NAALADL2: variants seen among roughly 807,000 people sequenced by gnomAD.
The protein encoded by NAALADL2 is inactive N-acetylated-alpha-linked acidic dipeptidase-like protein 2.
NAALADL2 carries 76 observed loss-of-function variants against 87.2 expected under a neutral mutation model. The ratio of observed to expected loss-of-function variants is 0.87; its 90% CI spans 0.72 to 1.05. NAALADL2 has a LOEUF of 1.05. Ranked by LOEUF, NAALADL2 falls within the 50% of genes least tolerant of loss-of-function variation. The pLI is 0.00. For synonymous variants in NAALADL2, 354 were observed against 331.0 expected (o/e 1.07, Z -0.75); for missense variants, 1,089 against 945.8 (o/e 1.15, Z -1.99).
chr3:175,618,070 G>A lies in NAALADL2; in HGVS notation c.1801-9221G>A, dbSNP rs1725592467. Among the ~76,000 whole-genome samples, 3 of 152,152 alleles carry A rather than the reference G, an allele frequency of 2.0e-5. No individual in the cohort carries two copies. In the South Asian group the frequency reaches 6.2e-4, roughly 32 times the overall value. On this transcript the variant is annotated intron_variant, in intron 10 of 13. Coordinates refer to ENST00000454872, the MANE Select transcript of NAALADL2 (RefSeq NM_207015.3). ...TCCCCAAACTTCTCTGCTGCTTGCAGGGCAACCTCCTTCTCAGCAGTAGTC... is the reference window on the plus strand; with the variant it reads ...TCCCCAAACTTCTCTGCTGCTTGCAAGGCAACCTCCTTCTCAGCAGTAGTC...
At chr3:175,039,768 A>G (rs1396324240) in intron 1 of NAALADL2, among the ~76,000 whole-genome samples, 1 of 152,176 alleles carries the variant, frequency 6.6e-6, no homozygotes, top group Non-Finnish European at 1.5e-5. Context: ...AGTTTAGTAT[A>G]CAGTAGGAAA....
intron 11 of NAALADL2, among the ~76,000 whole-genome samples, chr3:175,700,198 T>A (rs1157581049): frequency 6.6e-6 from 1 of 152,148 alleles, no homozygotes; most frequent in Non-Finnish European, 1.5e-5. Context: ...CTTAGCTGTG[T>A]GTAAAAGTAA....
At chr3:175,605,644 T>TTTTCTTTTTG in intron 10 of NAALADL2, among the ~76,000 whole-genome samples, 1 of 133,036 alleles carries the variant, frequency 7.5e-6, no homozygotes, top group East Asian at 2.3e-4. Flanking sequence ...TTGCTTGTTT[T>TTTTCTTTTTG]TTTTTTTTTT....
At chr3:174,962,645 G>T (rs1042872852) in intron 1 of NAALADL2, among the ~76,000 whole-genome samples, 1 of 151,874 alleles carries the variant, frequency 6.6e-6, no homozygotes, top group Non-Finnish European at 1.5e-5. Flanking sequence ...TCTTACCTCA[G>T]AGAGATAACT....
chr3:175,171,294 G>A (rs1466440366), intron 2 of NAALADL2, among the ~76,000 whole-genome samples: 1 of 152,148 alleles, frequency 6.6e-6, no homozygotes, highest in East Asian at 1.9e-4. Flanking sequence ...AGGGTAGAGA[G>A]GAAAGTAAGC....
chr3:175,687,137 A>C (rs1317392218), intron 11 of NAALADL2, among the ~76,000 whole-genome samples: 1 of 152,146 alleles, frequency 6.6e-6, no homozygotes, highest in Non-Finnish European at 1.5e-5. Context: ...TGGTGTCTTA[A>C]ATGGCAAATT....
rs188565470 is a variant in NAALADL2, at chr3:175,536,793, G to A, written c.1654-39248G>A. 4.0e-4 allele frequency among the ~76,000 whole-genome samples: 61 copies of A among 152,204 alleles called. No homozygotes were observed. The Middle Eastern group carries it at 0.01, about 25-fold the overall frequency. On this transcript the variant is annotated intron_variant, in intron 9 of 13. Coordinates refer to ENST00000454872, the MANE Select transcript of NAALADL2 (RefSeq NM_207015.3). ...CTCTCAAAGTGCTGGGATTACAGGC[G>A]TGAGACGCAAACCCCGTCTCTACTA...
At chr3:174,862,662 T>G (rs1726643740) in intron 1 of NAALADL2, among the ~76,000 whole-genome samples, 1 of 152,134 alleles carries the variant, frequency 6.6e-6, no homozygotes, top group Non-Finnish European at 1.5e-5. Flanking sequence ...TTCCTCTTTG[T>G]AAATAATATG....
chr3:174,520,516 A>G (rs2108410282), intron 1 of NAALADL2, among the ~76,000 whole-genome samples: 1 of 152,300 alleles, frequency 6.6e-6, no homozygotes, highest in Non-Finnish European at 1.5e-5. Context: ...ATATACAGAA[A>G]AATGAAACTG....
At chr3:174,773,392 C>T (rs557373253) in intron 3 of NAALADL2, among the ~76,000 whole-genome samples, 13 of 152,134 alleles carry the variant, frequency 8.5e-5, no homozygotes, top group Non-Finnish European at 1.2e-4. Context: ...GATCTACCCA[C>T]GAATTCTGCA....
intron 13 of NAALADL2, among the ~76,000 whole-genome samples, chr3:175,780,303 T>A (rs1482229244): frequency 1.3e-5 from 2 of 151,716 alleles, no homozygotes; most frequent in Admixed American, 1.3e-4. Context: ...AAAAAGAATT[T>A]TTCCTCATAG....
In NAALADL2 at chr3:174,903,845, C is replaced by A. The variant is rs528467861; in HGVS notation, c.43+44395C>A. On this transcript the variant is annotated intron_variant, in intron 1 of 13. Coordinates refer to ENST00000454872, the MANE Select transcript of NAALADL2 (RefSeq NM_207015.3). ...AAAACTTTTTCACAGTCATTTTTAT[C>A]ATCATCATCATCACCTATAAATGTA... 4.0e-5 allele frequency among the ~76,000 whole-genome samples: 6 copies of A among 149,384 alleles called. No individual in the cohort carries two copies. The Middle Eastern group carries it at 0.01, about 254-fold the overall frequency.
chr3:174,681,596 G>A (rs1727545113), intron 2 of NAALADL2, among the ~76,000 whole-genome samples: 2 of 152,110 alleles, frequency 1.3e-5, no homozygotes, highest in Admixed American at 1.3e-4. Context: ...GGCCAGAAGG[G>A]GACCTCCTAC....
At chr3:175,207,797 A>G (rs572469872) in intron 2 of NAALADL2, among the ~76,000 whole-genome samples, 6 of 152,256 alleles carry the variant, frequency 3.9e-5, no homozygotes, top group East Asian at 1.9e-4. Context: ...AAGCCGCTCT[A>G]AAAGAATCCT....
intron 1 of NAALADL2, among the ~76,000 whole-genome samples, chr3:175,078,349 G>C (rs550736968): frequency 1.3e-5 from 2 of 152,004 alleles, no homozygotes; most frequent in African/African-American, 4.8e-5. Context: ...TTTATCTTAC[G>C]TTTAGGAAAG....
intron 2 of NAALADL2, among the ~76,000 whole-genome samples, chr3:174,593,393 A>T (rs1465000212): frequency 6.6e-6 from 1 of 152,128 alleles, no homozygotes; most frequent in Non-Finnish European, 1.5e-5. Flanking sequence ...TGAGGAAGGC[A>T]CTGCTATTCA....
intron 2 of NAALADL2, among the ~76,000 whole-genome samples, chr3:175,229,494 G>T (rs1023680068): frequency 2.0e-5 from 3 of 151,892 alleles, no homozygotes; most frequent in Non-Finnish European, 4.4e-5. Flanking sequence ...CCTTAAATTA[G>T]ATAATTAGTA....
chr3:174,836,958 A>G (rs866361641), intron 3 of NAALADL2, among the ~76,000 whole-genome samples: 24 of 152,228 alleles, frequency 1.6e-4, no homozygotes, highest in Middle Eastern at 3.4e-3. Context: ...AAAAAAAATA[A>G]AACGATATAT....
chr3:175,581,601 C>T (rs1344557968), intron 10 of NAALADL2, among the ~76,000 whole-genome samples: 5 of 152,148 alleles, frequency 3.3e-5, no homozygotes, highest in African/African-American at 7.2e-5. Flanking sequence ...TTTGGAGCTA[C>T]ATTGAAACTT....
Sources: gnomAD v4.1 joint callset for allele counts (sites outside exome capture counted in the v4.1 genomes callset) on GRCh38, gnomAD v4.1.1 for gene constraint, MANE v1.5 for transcripts, NCBI Gene and HGNC (gene_info 2026-07-23, HGNC 2026-07-21) for gene names.